FAM180A: variants seen among roughly 807,000 people sequenced by gnomAD.
FAM180A encodes family with sequence similarity 180 member A, also known as protein FAM180A.
In FAM180A, 14 loss-of-function variants were observed where a neutral mutation model predicts 15.3. The ratio of observed to expected loss-of-function variants is 0.92; its 90% CI spans 0.61 to 1.43. FAM180A has a LOEUF of 1.43. FAM180A is among the 40% of genes most tolerant of loss of function. The pLI is 0.00. For synonymous variants in FAM180A, 90 were observed against 96.8 expected, an observed-to-expected ratio of 0.93 and a Z score of 0.41; for missense variants, 200 against 220.8, an observed-to-expected ratio of 0.91 and a Z score of 0.60.
chr7:135,748,037 A>G (rs951159574), intron 1 of FAM180A, among the ~76,000 whole-genome samples: 1 of 152,072 alleles, frequency 6.6e-6, no homozygotes, highest in African/African-American at 2.4e-5. Flanking sequence ...GGCTGCAGAG[A>G]TGCATCCCCT....
intron 1 of FAM180A, among the ~76,000 whole-genome samples, chr7:135,747,128 CAAAT>C (rs1180518956): frequency 1.3e-5 from 2 of 151,950 alleles, no homozygotes; most frequent in African/African-American, 2.4e-5. Flanking sequence ...AAATAAATAA[CAAAT>C]AAAAGTAACT....
Position 135,729,801 on chromosome 7 carries a change from A to C in FAM180A, c.*810T>G. The C allele has an allele frequency of 1.1e-6, 1 of 943,944 alleles. No individual in the cohort carries two copies. Among genetic ancestry groups the C allele is most frequent in the Non-Finnish European group, 1.3e-6 (1 of 793,612 alleles). The allele number at this position is 943,944 out of a possible 1,614,324, so 58.5% of individuals were successfully genotyped here. Reference sequence around the variant, plus strand: ...TGTATGAGGTATCTTAAGTAGTCAGACTCTCAAAAACAGAAAGCAGAATAA... The same window carrying C: ...TGTATGAGGTATCTTAAGTAGTCAGCCTCTCAAAAACAGAAAGCAGAATAA... On this transcript the variant is annotated 3_prime_UTR_variant, in exon 4 of 4. Coordinates refer to ENST00000338588, the MANE Select transcript of FAM180A (RefSeq NM_205855.4).
At chr7:135,739,117 C>T (rs141158030) in intron 1 of FAM180A, among the ~76,000 whole-genome samples, 1 of 151,212 alleles carries the variant, frequency 6.6e-6, no homozygotes, top group African/African-American at 2.4e-5. Flanking sequence ...TGAGACCAGC[C>T]TGGTCAACAT....
intron 2 of FAM180A, among the ~76,000 whole-genome samples, chr7:135,736,355 C>T (rs1161289543): frequency 6.6e-6 from 1 of 152,220 alleles, no homozygotes; most frequent in Non-Finnish European, 1.5e-5. Flanking sequence ...CCAGACAGTC[C>T]TAGTGCATGG....
At chr7:135,739,676 T>C (rs1213199139) in intron 1 of FAM180A, among the ~76,000 whole-genome samples, 1 of 88,618 alleles carries the variant, frequency 1.1e-5, no homozygotes, top group Admixed American at 1.3e-4. Flanking sequence ...CCATCAGAAG[T>C]GATTAAAAAA....
At chr7:135,735,745 C>T (rs1796860709) in intron 2 of FAM180A, among the ~76,000 whole-genome samples, 1 of 152,194 alleles carries the variant, frequency 6.6e-6, no homozygotes, top group South Asian at 2.1e-4. Flanking sequence ...CTCTGTCACC[C>T]AGGCTGGAGT....
At chr7:135,730,523 A>C (rs990339809) in intron 3 of FAM180A, among the ~76,000 whole-genome samples, 2 of 152,200 alleles carry the variant, frequency 1.3e-5, no homozygotes, top group African/African-American at 2.4e-5. Context: ...AGACTGTCCC[A>C]AAAACAAACA....
At chr7:135,740,975 A>AAAAC (rs1554483207) in intron 1 of FAM180A, among the ~76,000 whole-genome samples, 2 of 3,442 alleles carry the variant, frequency 5.8e-4, no homozygotes, top group East Asian at 0.5. Flanking sequence ...AAAACAAAAC[A>AAAAC]AAAAAAAAAA....
intron 1 of FAM180A, among the ~76,000 whole-genome samples, chr7:135,741,929 T>G (rs548969876): frequency 2.6e-5 from 4 of 152,090 alleles, no homozygotes; most frequent in Non-Finnish European, 4.4e-5. Context: ...ACCAATCCAT[T>G]TAAAAAGTAA....
At position 135,748,690 on chromosome 7, in the gene FAM180A, T is replaced by G; in HGVS notation, c.-110A>C. ...TGAGATGATGGAGTGCTTCCCTCCCTTCCTTTTGCAGACGTGCAGAAATGC... is the reference window on the plus strand; with the variant it reads ...TGAGATGATGGAGTGCTTCCCTCCCGTCCTTTTGCAGACGTGCAGAAATGC... On this transcript the variant is annotated 5_prime_UTR_variant, in exon 1 of 4. Transcript: ENST00000338588. The G allele has an allele frequency of 1.2e-6, 1 of 855,204 alleles. No homozygotes were observed. Among genetic ancestry groups the G allele is most frequent in the Non-Finnish European group, 2.0e-6 (1 of 505,702 alleles). The allele number at this position is 855,204 out of a possible 1,614,324, so 53.0% of individuals were successfully genotyped here.
In FAM180A at chr7:135,748,718, A is replaced by C; in HGVS notation, c.-138T>G. On this transcript the variant is annotated 5_prime_UTR_variant, in exon 1 of 4. It removes the in-frame stop codon of an upstream open reading frame in the 5' UTR. Coordinates refer to ENST00000338588, the MANE Select transcript of FAM180A (RefSeq NM_205855.4). ...CTTTTGCAGACGTGCAGAAATGCCT[A>C]CTCTGCCTCAGAAGGCTGGAGGCTG... 1.4e-6 allele frequency: 1 copy of C among 720,960 alleles called. No individual in the cohort carries two copies. Among genetic ancestry groups the C allele is most frequent in the Non-Finnish European group, 2.5e-6 (1 of 407,372 alleles). The allele number at this position is 720,960 out of a possible 1,614,324, so 44.7% of individuals were successfully genotyped here.
At chr7:135,740,453 G>A (rs1026298267) in intron 1 of FAM180A, among the ~76,000 whole-genome samples, 8 of 152,106 alleles carry the variant, frequency 5.3e-5, no homozygotes, top group South Asian at 4.1e-4. Context: ...CTAGACATTC[G>A]ATTCATCCGG....
intron 1 of FAM180A, among the ~76,000 whole-genome samples, chr7:135,742,774 G>A (rs1451840385): frequency 6.6e-6 from 1 of 152,164 alleles, no homozygotes; most frequent in Non-Finnish European, 1.5e-5. Flanking sequence ...GTAAGAGCTC[G>A]GGGCACCCAC....
intron 3 of FAM180A, 132 bp from the exon 4 acceptor site, chr7:135,730,413 G>A (rs1159694741): frequency 3.3e-5 from 6 of 181,388 alleles, no homozygotes; most frequent in South Asian, 1.9e-4. Context: ...GCATGGTGAC[G>A]TGTGCCTGTG....
rs1265564159 is a variant in FAM180A, at chr7:135,734,246, C to T, written c.251G>A (p.Arg84Gln). ...SIKDEELASL[R>Q]KASDFRTVCN... ...GACGGTGCGGAAGTCTGAGGCCTTCCGCAAGGAGGCCAGCTCCTCGTCCTT... is the reference window on the plus strand; with the variant it reads ...GACGGTGCGGAAGTCTGAGGCCTTCTGCAAGGAGGCCAGCTCCTCGTCCTT... The change falls in exon 3 of 4, where the codon CGG becomes CAG. Residue 84 changes from arginine to glutamine, a missense_variant. By Grantham distance (43) the Arg-to-Gln change is conservative. Transcript: ENST00000338588. The T allele has an allele frequency of 5.0e-6, 8 of 1,613,992 alleles. No homozygotes were observed. Among genetic ancestry groups the T allele is most frequent in the South Asian group, 2.2e-5 (2 of 91,072 alleles).
Position 135,735,928 on chromosome 7 carries a change from C to T in FAM180A, c.177+1171G>A, listed in dbSNP as rs188405049. On this transcript the variant is annotated intron_variant, in intron 2 of 3. Transcript: ENST00000338588. ...ATGTTGGCCAGGCTGGTCTTGAACT[C>T]CTGACCTCAGGTGATCCACCTGCCT... is the stretch of plus-strand genomic sequence containing the variant. 5.9e-4 allele frequency among the ~76,000 whole-genome samples: 89 copies of T among 151,912 alleles called. 1 individual carries two copies. Among genetic ancestry groups the T allele is most frequent in the African/African-American group, 2.0e-3 (82 of 41,432 alleles).
chr7:135,743,100 G>A (rs1343819482), intron 1 of FAM180A, among the ~76,000 whole-genome samples: 1 of 152,128 alleles, frequency 6.6e-6, no homozygotes, highest in Non-Finnish European at 1.5e-5. Context: ...TTCTTAAGTG[G>A]ATCACACATA....
chr7:135,731,467 G>A (rs1043447012), intron 3 of FAM180A, among the ~76,000 whole-genome samples: 1 of 151,798 alleles, frequency 6.6e-6, no homozygotes, highest in Non-Finnish European at 1.5e-5. Context: ...TCTTGGAGAT[G>A]CATCAAAAAA....
rs960812638 is a variant in FAM180A, at chr7:135,733,862, C to T, written c.*113G>A. On this transcript the variant is annotated 3_prime_UTR_variant, in exon 3 of 4. Coordinates refer to ENST00000338588, the MANE Select transcript of FAM180A (RefSeq NM_205855.4). ...GGGTTACTGTTTGATCTCTGCTGCTCTGTGTCAGCGGTAAGAGTTTTGTTG... is the reference window on the plus strand; with the variant it reads ...GGGTTACTGTTTGATCTCTGCTGCTTTGTGTCAGCGGTAAGAGTTTTGTTG... 1.4e-6 allele frequency: 2 copies of T among 1,439,536 alleles called. No homozygotes were observed. The highest frequency in any genetic ancestry group is 9.1e-7 in the Non-Finnish European group (1 of 1,097,888). 89.2% of individuals were successfully genotyped at this position (1,439,536 alleles called of 1,614,324 possible).
Sources: allele counts gnomAD v4.1 joint callset (sites outside exome capture counted in the v4.1 genomes callset), GRCh38; gene constraint gnomAD v4.1.1; transcripts MANE v1.5; gene names NCBI Gene and HGNC (gene_info 2026-07-23, HGNC 2026-07-21).